RBFOX1: variants seen among roughly 807,000 people sequenced by gnomAD.
RBFOX1 encodes RNA binding protein fox-1 homolog 1.
RBFOX1 carries 8 observed loss-of-function variants against 57.7 expected under a neutral mutation model. The observed-to-expected ratio is 0.14, with a 90% confidence interval of 0.08 to 0.25. The LOEUF is 0.25. RBFOX1 is among the 10% of genes least tolerant of loss of function. The pLI is 1.00. For missense variants in RBFOX1, 611 were observed against 548.5 expected, an observed-to-expected ratio of 1.11 and a Z score of -1.14; for synonymous variants, 326 against 222.4, an observed-to-expected ratio of 1.47 and a Z score of -4.15.
chr16:5,776,852 C>G (rs1020303608), intron 3 of RBFOX1, among the ~76,000 whole-genome samples: 3 of 152,208 alleles, frequency 2.0e-5, no homozygotes, highest in African/African-American at 7.2e-5. Context: ...TGGAAGTGTT[C>G]TAAATCAGCA....
At chr16:7,635,810 ATTTATTTT>A (rs992425692) in intron 11 of RBFOX1, among the ~76,000 whole-genome samples, 24 of 151,672 alleles carry the variant, frequency 1.6e-4, no homozygotes, top group African/African-American at 4.6e-4. Context: ...TATTTTATTT[ATTTATTTT>A]TTTATTTTTT....
intron 3 of RBFOX1, among the ~76,000 whole-genome samples, chr16:6,926,298 C>T (rs111416633): frequency 0.069 from 10,511 of 152,116 alleles, 1,207 homozygotes; most frequent in African/African-American, 0.24. Context: ...CAGAGCAAGA[C>T]TCCATCTCAA....
At chr16:7,122,060 C>A (rs181700965) in intron 4 of RBFOX1, among the ~76,000 whole-genome samples, 1 of 152,094 alleles carries the variant, frequency 6.6e-6, no homozygotes, top group Admixed American at 6.6e-5. Context: ...TTTAGAAGAA[C>A]ACATGGGTAA....
At chr16:7,493,909 G>A (rs911463565) in intron 4 of RBFOX1, among the ~76,000 whole-genome samples, 1 of 152,138 alleles carries the variant, frequency 6.6e-6, no homozygotes, top group Non-Finnish European at 1.5e-5. Context: ...TAGGTGCTTG[G>A]TTTTAGTTTG....
At chr16:5,563,404 T>C (rs148031442) in intron 2 of RBFOX1, among the ~76,000 whole-genome samples, 1 of 152,356 alleles carries the variant, frequency 6.6e-6, no homozygotes, top group African/African-American at 2.4e-5. Context: ...GGTATCGTTA[T>C]CTACTGAACT....
chr16:5,423,008 G>A (rs1349966380), intron 1 of RBFOX1, among the ~76,000 whole-genome samples: 4 of 120,704 alleles, frequency 3.3e-5, no homozygotes, highest in Non-Finnish European at 7.1e-5. Flanking sequence ...GGAGGAAGGA[G>A]GAGAAAGGAG....
chr16:6,705,245 A>T (rs1267546634), intron 3 of RBFOX1: 2 of 152,040 alleles, frequency 1.3e-5, no homozygotes, highest in African/African-American at 2.4e-5. Context: ...TGGGACTGCA[A>T]CTCCAGTGAG....
intron 1 of RBFOX1, among the ~76,000 whole-genome samples, chr16:5,241,757 C>A (rs2049699): frequency 6.6e-6 from 1 of 152,250 alleles, no homozygotes; most frequent in African/African-American, 2.4e-5. Flanking sequence ...CTGAAACTTA[C>A]GCCTTGGTGT....
At chr16:6,646,451 G>C (rs1030995392) in intron 2 of RBFOX1, among the ~76,000 whole-genome samples, 1 of 152,108 alleles carries the variant, frequency 6.6e-6, no homozygotes, top group Admixed American at 6.5e-5. Context: ...GATTCTGCCA[G>C]ATCGCTCTTT....
At chr16:7,177,005 C>G (rs1224474722) in intron 4 of RBFOX1, among the ~76,000 whole-genome samples, 1 of 152,166 alleles carries the variant, frequency 6.6e-6, no homozygotes, top group East Asian at 1.9e-4. Flanking sequence ...AACTCACTAC[C>G]CCATGAAGTC....
chr16:7,381,236 C>G (rs2097777351), intron 4 of RBFOX1, among the ~76,000 whole-genome samples: 1 of 152,142 alleles, frequency 6.6e-6, no homozygotes. Context: ...TCTCTCAAAC[C>G]CAGGTGCAAG....
intron 3 of RBFOX1, among the ~76,000 whole-genome samples, chr16:6,871,962 T>TGTGTGTGTG (rs2060982913): frequency 9.0e-5 from 13 of 144,600 alleles, no homozygotes; most frequent in Middle Eastern, 3.4e-3. Context: ...TGTGTGTGTG[T>TGTGTGTGTG]TTCCCTCGGT....
chr16:7,029,077 TATATACAC>T (rs1346708766), intron 3 of RBFOX1, among the ~76,000 whole-genome samples: 28 of 44,548 alleles, frequency 6.3e-4, no homozygotes, highest in Non-Finnish European at 6.6e-4. Flanking sequence ...TATATATATA[TATATACAC>T]ACACACACAC....
At chr16:5,657,895 C>A (rs1034755000) in intron 3 of RBFOX1, among the ~76,000 whole-genome samples, 2 of 151,802 alleles carry the variant, frequency 1.3e-5, no homozygotes, top group African/African-American at 2.4e-5. Context: ...CAACGCCAGG[C>A]TAATTTTTGT....
intron 1 of RBFOX1, among the ~76,000 whole-genome samples, chr16:6,119,472 C>G (rs2096532173): frequency 6.6e-6 from 1 of 152,084 alleles, no homozygotes; most frequent in African/African-American, 2.4e-5. Context: ...TTGTTTTTAA[C>G]CTTTGAACTT....
intron 3 of RBFOX1, among the ~76,000 whole-genome samples, chr16:6,834,066 T>C (rs534864898): frequency 3.6e-4 from 55 of 151,612 alleles, no homozygotes; most frequent in Admixed American, 2.9e-3. Flanking sequence ...TATTTTTTTT[T>C]CTATTTTTAT....
In RBFOX1 at chr16:7,515,239, T is replaced by G. The variant is rs139826980; in HGVS notation, c.28-2908T>G. ...AGCCCAGAAAAAGAAAAGATGCTAG[T>G]TTAGTTATAAAACAGCAGAAGTTTT... On this transcript the variant is annotated intron_variant, in intron 4 of 15. Transcript: ENST00000550418. 1.2e-4 allele frequency among the ~76,000 whole-genome samples: 18 copies of G among 146,160 alleles called. No homozygotes were observed. The Admixed American group carries it at 1.3e-3, about 10-fold the overall frequency.
chr16:7,352,713 A>AATT (rs1160723331), intron 4 of RBFOX1, among the ~76,000 whole-genome samples: 4 of 151,722 alleles, frequency 2.6e-5, no homozygotes, highest in African/African-American at 4.8e-5. Context: ...TTAATGAGCA[A>AATT]ATTATTATTA....
intron 4 of RBFOX1, among the ~76,000 whole-genome samples, chr16:5,974,973 A>G (rs2060033169): frequency 6.6e-6 from 1 of 152,122 alleles, no homozygotes; most frequent in South Asian, 2.1e-4. Flanking sequence ...ACGCCTTTGC[A>G]CTCCAGCCTG....
Sources: allele counts gnomAD v4.1 joint callset (sites outside exome capture counted in the v4.1 genomes callset), GRCh38; gene constraint gnomAD v4.1.1; transcripts MANE v1.5; gene names NCBI Gene and HGNC (gene_info 2026-07-23, HGNC 2026-07-21).